The following ATP8B1 variants were observed in gnomAD, a reference collection of about 807,000 sequenced individuals.
ATP8B1 encodes phospholipid-transporting ATPase IC.
Under a neutral mutation model 149.9 loss-of-function variants are expected in ATP8B1, and 80 were observed. That is an observed-to-expected ratio of 0.53 (90% CI 0.45 to 0.64). ATP8B1 has a LOEUF of 0.64. Ranked by LOEUF, ATP8B1 falls within the 30% of genes least tolerant of loss-of-function variation. The probability of loss-of-function intolerance (pLI) is 0.00; values close to 1 mark genes in which losing one functional copy is unlikely to be tolerated. For synonymous variants in ATP8B1, 536 were observed against 562.8 expected, an observed-to-expected ratio of 0.95 and a Z score of 0.67; for missense variants, 1,247 against 1,552.6, an observed-to-expected ratio of 0.80 and a Z score of 3.31.
chr18:57,683,957 G>T (rs1229216068), intron 15 of ATP8B1, 79 bp downstream of exon 15: 13 of 1,524,054 alleles, frequency 8.5e-6, no homozygotes, highest in African/African-American at 1.4e-5. Flanking sequence ...TACTTGACAT[G>T]CATTTGAGCC....
intron 15 of ATP8B1, among the ~76,000 whole-genome samples, chr18:57,681,000 A>G (rs759277268): frequency 6.6e-5 from 10 of 152,118 alleles, no homozygotes; most frequent in Non-Finnish European, 1.2e-4. Flanking sequence ...CATTTACTCA[A>G]TCAAGCACTA....
At chr18:57,801,029 T>C (rs1181391544) in intron 1 of ATP8B1, among the ~76,000 whole-genome samples, 1 of 152,210 alleles carries the variant, frequency 6.6e-6, no homozygotes, top group Non-Finnish European at 1.5e-5. Context: ...TACCACATTA[T>C]TATTTTTAAA....
In ATP8B1 at chr18:57,704,608, C is replaced by T; in HGVS notation, c.340G>A (p.Glu114Lys). The change falls in exon 4 of 28, where the codon GAG (glutamate) becomes AAG (lysine). Residue 114 changes from glutamate to lysine, a missense_variant. By Grantham distance (56) the Glu-to-Lys change is moderately conservative. Transcript: ENST00000648908. ...AAATTGGCTGCTCTCTTAAACTGCT[C>T]AAACAGATTCATTGGTATAAAGGTA... is the stretch of plus-strand genomic sequence containing the variant. The part of the protein sequence containing the change: ...AFTFIPMNLF[E>K]QFKRAANLYF... 6.2e-7 allele frequency: 1 copy of T among 1,612,132 alleles called. No individual in the cohort carries two copies. The highest frequency in any genetic ancestry group is 8.5e-7 in the Non-Finnish European group (1 of 1,178,246).
rs2080386228 is a variant in ATP8B1, at chr18:57,784,295, A to G, written c.-26+18703T>C. 6.6e-6 allele frequency among the ~76,000 whole-genome samples: 1 copy of G among 152,206 alleles called. No homozygotes were observed. The highest frequency in any genetic ancestry group is 6.5e-5 in the Admixed American group (1 of 15,276). The stretch of plus-strand genomic sequence containing the variant: ...AGGTAGCTGTTGTTAAAACCACAGC[A>G]TGAGCTACTGCAAGGGTTGGCAGGA... On this transcript the variant is annotated intron_variant, in intron 1 of 27. Transcript: ENST00000648908. This position sits in a 1 kb window ranked among gnomAD's most constrained non-coding sequence, Gnocchi z 4.4.
At chr18:57,758,088 A>G (rs1348039812) in intron 1 of ATP8B1, among the ~76,000 whole-genome samples, 1 of 152,144 alleles carries the variant, frequency 6.6e-6, no homozygotes, top group Admixed American at 6.5e-5. Context: ...TTTGGTCCTC[A>G]GCTCAAACGA....
chr18:57,682,945 C>T lies in ATP8B1; in HGVS notation c.1630+1091G>A, dbSNP rs138450926. Among the ~76,000 whole-genome samples, 504 of 152,072 alleles carry T rather than the reference C, an allele frequency of 3.3e-3. 2 individuals are homozygous for T. Among genetic ancestry groups the T allele is most frequent in the African/African-American group, 0.011 (467 of 41,480 alleles). ...CCTTGACCTCCTGGGCTCAAGCGATCCCCACCTGAGTAGCTGGGACTACAG... is the reference window on the plus strand; with the variant it reads ...CCTTGACCTCCTGGGCTCAAGCGATTCCCACCTGAGTAGCTGGGACTACAG... On this transcript the variant is annotated intron_variant, in intron 15 of 27. Transcript: ENST00000648908.
intron 15 of ATP8B1, among the ~76,000 whole-genome samples, chr18:57,681,684 C>T (rs1463352913): frequency 6.6e-6 from 1 of 151,868 alleles, no homozygotes; most frequent in Non-Finnish European, 1.5e-5. Context: ...CCCTGTAGTC[C>T]CAGCTACTCA....
chr18:57,785,121 G>T (rs1442440631), intron 1 of ATP8B1, among the ~76,000 whole-genome samples: 1 of 152,160 alleles, frequency 6.6e-6, no homozygotes, highest in Admixed American at 6.5e-5. Context: ...TATTAAGGTG[G>T]ATGCTGCCTC....
rs533545080 is a variant in ATP8B1, at chr18:57,759,026, C to T, written c.-25-27194G>A. Among the ~76,000 whole-genome samples, 453 of 151,562 alleles carry T rather than the reference C, an allele frequency of 3.0e-3. 3 individuals carry two copies. The highest frequency in any genetic ancestry group is 0.01 in the African/African-American group (421 of 41,320). ...CAAAAATTATCCGGGCGTGGTGGCA[C>T]GCCCCTGTAGTCCCAGCTACTTGGG... is the stretch of plus-strand genomic sequence containing the variant. On this transcript the variant is annotated intron_variant, in intron 1 of 27. Coordinates refer to ENST00000648908, the MANE Select transcript of ATP8B1 (RefSeq NM_001374385.1).
Position 57,732,133 on chromosome 18 carries a change from ATG to A in ATP8B1, c.-25-303_-25-302del, listed in dbSNP as rs71171076. ...TGTATATATGTATATATATGTGTAT[ATG>A]TATATATGTGTATATATGTATATAT... is the stretch of plus-strand genomic sequence containing the variant. On this transcript the variant is annotated intron_variant, in intron 1 of 27. Coordinates refer to ENST00000648908, the MANE Select transcript of ATP8B1 (RefSeq NM_001374385.1). 5.7e-3 allele frequency: 272 copies of A among 48,084 alleles called. 80 individuals carry two copies. Among genetic ancestry groups the A allele is most frequent in the South Asian group, 7.9e-3 (12 of 1,514 alleles). The allele number at this position is 48,084 out of a possible 1,614,324, so 3.0% of individuals were successfully genotyped here. A position where few individuals can be genotyped will look rare whatever the true frequency, so the allele number is the denominator to read the frequency against.
intron 1 of ATP8B1, among the ~76,000 whole-genome samples, chr18:57,736,449 A>C (rs1295320426): frequency 1.1e-5 from 1 of 87,490 alleles, no homozygotes; most frequent in African/African-American, 3.9e-5. Context: ...ATAAAGTTTT[A>C]CTAGTTTTTT....
At chr18:57,766,077 C>G (rs1456429004) in intron 1 of ATP8B1, among the ~76,000 whole-genome samples, 3 of 148,964 alleles carry the variant, frequency 2.0e-5, no homozygotes, top group African/African-American at 7.4e-5. Context: ...GAGTTTTGCT[C>G]TTGTTGCCCA....
At chr18:57,694,901 A>G (rs1016215751) in intron 10 of ATP8B1, among the ~76,000 whole-genome samples, 2 of 152,048 alleles carry the variant, frequency 1.3e-5, no homozygotes, top group African/African-American at 4.8e-5. Context: ...ATGGTGGCAC[A>G]TGCCTATAAT....
chr18:57,793,256 A>G (rs75784386), intron 1 of ATP8B1, among the ~76,000 whole-genome samples: 2,100 of 152,144 alleles, frequency 0.014, 50 homozygotes, highest in African/African-American at 0.048. Context: ...ATTTCGATCT[A>G]TCAAAATAAA....
intron 6 of ATP8B1, 56 bp downstream of exon 6, chr18:57,700,983 C>T: frequency 6.7e-7 from 1 of 1,492,862 alleles, no homozygotes. Context: ...GAATGTGTTT[C>T]TAGGCAGAGT....
chr18:57,758,666 AAAAG>A (rs2080110795), intron 1 of ATP8B1, among the ~76,000 whole-genome samples: 1 of 151,732 alleles, frequency 6.6e-6, no homozygotes, highest in South Asian at 2.1e-4. Flanking sequence ...AAAAAAAAAA[AAAAG>A]ATAGTTGTAT....
intron 1 of ATP8B1, among the ~76,000 whole-genome samples, chr18:57,766,111 T>C (rs2080209398): frequency 6.6e-6 from 1 of 150,826 alleles, no homozygotes; most frequent in African/African-American, 2.4e-5. Context: ...TGGTGCCATC[T>C]TGGCTCACTG....
In ATP8B1 at chr18:57,771,898, G is replaced by A. The variant is rs143176171; in HGVS notation, c.-26+31100C>T. Among the ~76,000 whole-genome samples the A allele has an allele frequency of 8.3e-4, 126 of 152,248 alleles. 1 individual carries two copies. The highest frequency in any genetic ancestry group is 2.9e-3 in the African/African-American group (119 of 41,544). ...AAAAAACCAGTTAGCTCTGCCTTTA[G>A]CTGTTCCCACCCCAATTTTCACGAT... On this transcript the variant is annotated intron_variant, in intron 1 of 27. Transcript: ENST00000648908.
rs996100581 is a variant in ATP8B1, at chr18:57,669,583, G to A, written c.1933-101C>T. On this transcript the variant is annotated intron_variant, in intron 17 of 27. Coordinates refer to ENST00000648908, the MANE Select transcript of ATP8B1 (RefSeq NM_001374385.1). ...TTTACTTTGAAGTAATATACTAACA[G>A]AATTTAAAAAGAGATCATTAAACAT... is the stretch of plus-strand genomic sequence containing the variant. 5 of 1,099,124 alleles carry A rather than the reference G, an allele frequency of 4.5e-6. No homozygotes were observed. In the African/African-American group the frequency reaches 8.0e-5, roughly 17 times the overall value. 68.1% of individuals were successfully genotyped at this position (1,099,124 alleles called of 1,614,324 possible). A position where few individuals can be genotyped will look rare whatever the true frequency, so the allele number is the denominator to read the frequency against.
Sources: allele counts gnomAD v4.1 joint callset (sites outside exome capture counted in the v4.1 genomes callset), GRCh38; gene constraint gnomAD v4.1.1; non-coding constraint Gnocchi (gnomAD v3.1); transcripts MANE v1.5; gene names NCBI Gene and HGNC (gene_info 2026-07-23, HGNC 2026-07-21).